DYSF: variants seen among roughly 807,000 people sequenced by gnomAD.
The protein encoded by DYSF is dysferlin.
A neutral mutation model predicts 274.9 loss-of-function variants in DYSF; 212 were observed. The observed-to-expected ratio is 0.77, with a 90% CI of 0.69 to 0.86. DYSF has a LOEUF of 0.86. Ranked by LOEUF, DYSF falls within the 40% of genes least tolerant of loss-of-function variation. The pLI is 0.00. For synonymous variants in DYSF, 1,091 were observed against 1,078.7 expected (o/e 1.01, Z -0.22); for missense variants, 2,666 against 2,783.2 (o/e 0.96, Z 0.95).
At chr2:71,534,567 C>T (rs1468854936) in intron 14 of DYSF, among the ~76,000 whole-genome samples, 1 of 152,204 alleles carries the variant, frequency 6.6e-6, no homozygotes, top group African/African-American at 2.4e-5. Context: ...CTCCCCTCTC[C>T]CATCTCTGAT....
intron 3 of DYSF, among the ~76,000 whole-genome samples, chr2:71,491,077 A>G (rs1439290274): frequency 6.6e-6 from 1 of 152,200 alleles, no homozygotes; most frequent in Non-Finnish European, 1.5e-5. Context: ...CCAACAATGC[A>G]ATAAAGTGCC....
chr2:71,459,838 T>C (rs1395074621), intron 1 of DYSF, among the ~76,000 whole-genome samples: 2 of 152,062 alleles, frequency 1.3e-5, no homozygotes, highest in African/African-American at 4.8e-5. Flanking sequence ...GACTACAGGA[T>C]GGAGTGAGTG....
chr2:71,583,226 C>G (rs566484421), intron 30 of DYSF, among the ~76,000 whole-genome samples: 1 of 152,166 alleles, frequency 6.6e-6, no homozygotes, highest in Non-Finnish European at 1.5e-5. Flanking sequence ...GAACCACATG[C>G]GCTCACTCCA....
At chr2:71,582,088 C>G (rs1322275474) in intron 30 of DYSF, among the ~76,000 whole-genome samples, 1 of 110,588 alleles carries the variant, frequency 9.0e-6, no homozygotes, top group African/African-American at 3.6e-5. Context: ...GCTTGGGAGA[C>G]AGAAGGAGAC....
intron 42 of DYSF, among the ~76,000 whole-genome samples, chr2:71,648,388 C>T (rs1485390558): frequency 2.6e-5 from 4 of 151,852 alleles, no homozygotes; most frequent in Admixed American, 2.0e-4. Context: ...CAACCAAGGG[C>T]ACAGAGGACA....
intron 1 of DYSF, among the ~76,000 whole-genome samples, chr2:71,472,615 C>T (rs1385413293): frequency 6.6e-6 from 1 of 152,174 alleles, no homozygotes. Flanking sequence ...ACCATGTTAG[C>T]CAGGATGGTC....
intron 23 of DYSF, 59 bp from the exon 24 acceptor site, chr2:71,563,999 C>T (rs2091937613): frequency 6.2e-7 from 1 of 1,609,896 alleles, no homozygotes; most frequent in Admixed American, 1.7e-5. Flanking sequence ...CACGGTGTGG[C>T]TGTGGGGCGT....
At chr2:71,485,845 G>C (rs1455763023) in intron 3 of DYSF, among the ~76,000 whole-genome samples, 1 of 152,182 alleles carries the variant, frequency 6.6e-6, no homozygotes, top group Admixed American at 6.5e-5. Context: ...ATGGAGTCTT[G>C]CTCTGTTGCC....
chr2:71,574,483 G>GCCAGCGTTCCATCCAA, intron 30 of DYSF, 112 bp downstream of exon 30: 1 of 1,333,564 alleles, frequency 7.5e-7, no homozygotes, highest in Non-Finnish European at 1.0e-6. Flanking sequence ...CTTTTGGATG[G>GCCAGCGTTCCATCCAA]AACGCTGGCT....
At chr2:71,673,074 G>T (rs1489553368) in intron 51 of DYSF, among the ~76,000 whole-genome samples, 1 of 152,204 alleles carries the variant, frequency 6.6e-6, no homozygotes, top group Non-Finnish European at 1.5e-5. Flanking sequence ...CAGGCATTTG[G>T]TGGAGCTTTT....
intron 3 of DYSF, among the ~76,000 whole-genome samples, chr2:71,492,264 G>T (rs1006665236): frequency 2.0e-5 from 3 of 152,200 alleles, no homozygotes; most frequent in African/African-American, 7.2e-5. Flanking sequence ...GGACTCAGGG[G>T]CTCTGGAATG....
chr2:71,582,396 C>T (rs908785276), intron 30 of DYSF, among the ~76,000 whole-genome samples: 1 of 152,176 alleles, frequency 6.6e-6, no homozygotes, highest in Non-Finnish European at 1.5e-5. Context: ...TCTGTCAGCA[C>T]TCCCATTCCA....
intron 42 of DYSF, among the ~76,000 whole-genome samples, chr2:71,644,633 GA>G (rs377607999): frequency 4.6e-5 from 7 of 152,008 alleles, no homozygotes; most frequent in Non-Finnish European, 1.0e-4. Context: ...TGTTTCTGTG[GA>G]AAAAAACAGA....
intron 16 of DYSF, among the ~76,000 whole-genome samples, chr2:71,537,272 G>A (rs2152764195): frequency 7.2e-6 from 1 of 137,980 alleles, no homozygotes; most frequent in African/African-American, 2.8e-5. Context: ...GGAGGATGGA[G>A]TTTCGCTCTT....
chr2:71,652,289 G>A (rs2152932451), intron 42 of DYSF, among the ~76,000 whole-genome samples: 1 of 152,318 alleles, frequency 6.6e-6, no homozygotes, highest in Admixed American at 6.5e-5. Flanking sequence ...CCATTTCAAT[G>A]TCAACAAAAA....
intron 32 of DYSF, among the ~76,000 whole-genome samples, chr2:71,593,810 C>T (rs961413332): frequency 3.9e-5 from 6 of 152,194 alleles, no homozygotes; most frequent in East Asian, 3.9e-4. Flanking sequence ...GAGGTCACCA[C>T]GTTCCATTCC....
chr2:71,530,280 G>T (rs1012303152), intron 14 of DYSF, among the ~76,000 whole-genome samples: 2 of 152,208 alleles, frequency 1.3e-5, no homozygotes, highest in African/African-American at 4.8e-5. Flanking sequence ...GGGAATTCAC[G>T]TCCTGAGATT....
chr2:71,553,753 T>TCCCCCCCCCCCCCCCCCCCCCC, intron 20 of DYSF, 54 bp from the exon 21 acceptor site: 1 of 567,530 alleles, frequency 1.8e-6, no homozygotes, highest in Non-Finnish European at 3.0e-6. Context: ...TAGCACCCCA[T>TCCCCCCCCCCCCCCCCCCCCCC]CCCACCCGCC....
At chr2:71,562,042 C>A in intron 23 of DYSF, 98 bp downstream of exon 23, 1 of 1,501,152 alleles carries the variant, frequency 6.7e-7, no homozygotes, top group Non-Finnish European at 9.0e-7. Flanking sequence ...TATTACCCAC[C>A]CCGGTTCCAT....
Sources: gnomAD v4.1 joint callset for allele counts (sites outside exome capture counted in the v4.1 genomes callset) on GRCh38, gnomAD v4.1.1 for gene constraint, MANE v1.5 for transcripts, NCBI Gene and HGNC (gene_info 2026-07-23, HGNC 2026-07-21) for gene names.